Variants in PRRC2C observed in about 807,000 individuals in gnomAD.
PRRC2C encodes the protein proline rich coiled-coil 2C, also known as protein PRRC2C.
In PRRC2C, 72 loss-of-function variants were observed where a neutral mutation model predicts 317.2. The observed-to-expected ratio is 0.23, with a 90% confidence interval of 0.19 to 0.28. The LOEUF is 0.28. PRRC2C is among the 10% of genes least tolerant of loss of function. The pLI is 1.00. For missense variants in PRRC2C, 3,074 were observed against 3,459.7 expected, an observed-to-expected ratio of 0.89 and a Z score of 2.80; for synonymous variants, 1,296 against 1,205.9, an observed-to-expected ratio of 1.07 and a Z score of -1.55.
intron 1 of PRRC2C, among the ~76,000 whole-genome samples, chr1:171,499,791 G>A (rs996193208): frequency 5.3e-5 from 8 of 151,960 alleles, no homozygotes; most frequent in African/African-American, 1.9e-4. Flanking sequence ...GCGACAAAGT[G>A]GGACTCAAAA....
intron 21 of PRRC2C, 40 bp downstream of exon 21, chr1:171,566,461 C>A: frequency 6.6e-7 from 1 of 1,515,178 alleles, no homozygotes; most frequent in Non-Finnish European, 8.9e-7. Context: ...TTTATGAAGG[C>A]CACTGACATG....
At chr1:171,554,237 T>A (rs1680895897) in intron 18 of PRRC2C, among the ~76,000 whole-genome samples, 1 of 152,208 alleles carries the variant, frequency 6.6e-6, no homozygotes, top group Admixed American at 6.5e-5. Flanking sequence ...CTTCTTTGTC[T>A]CTTTTGATCT....
chr1:171,586,063 A>ATTTTT lies in PRRC2C; in HGVS notation c.7750-923_7750-919dup, dbSNP rs920423722. 1.9e-3 allele frequency among the ~76,000 whole-genome samples: 159 copies of ATTTTT among 83,020 alleles called. 32 individuals carry two copies. The highest frequency in any genetic ancestry group is 6.9e-3 in the African/African-American group (146 of 21,194). The allele number at this position is 83,020 out of a possible 152,430, so 54.5% of individuals were successfully genotyped here. ...ATCCGTCGCAGGAGGTCAGGTGTTGATTTTTTTTTTTTTTTTTTTTTGAGA... is the reference window on the plus strand; with the variant it reads ...ATCCGTCGCAGGAGGTCAGGTGTTGATTTTTTTTTTTTTTTTTTTTTTTTTTGAGA... On this transcript the variant is annotated intron_variant, in intron 30 of 34. Transcript: ENST00000647382.
intron 1 of PRRC2C, among the ~76,000 whole-genome samples, chr1:171,504,326 GGT>G (rs1669776838): frequency 1.3e-5 from 2 of 151,924 alleles, no homozygotes; most frequent in African/African-American, 4.8e-5. Flanking sequence ...TTGTGCTTTT[GGT>G]GTTATATCTA....
chr1:171,543,987 A>C (rs1269237792), intron 16 of PRRC2C, among the ~76,000 whole-genome samples: 1 of 152,210 alleles, frequency 6.6e-6, no homozygotes, highest in African/African-American at 2.4e-5. Context: ...CCCATTCATT[A>C]ACCTGTTAAG....
At chr1:171,553,197 T>G (rs1680646856) in intron 18 of PRRC2C, among the ~76,000 whole-genome samples, 1 of 152,224 alleles carries the variant, frequency 6.6e-6, no homozygotes, top group Non-Finnish European at 1.5e-5. Context: ...TGGGAGGGTG[T>G]GTGTGTCGAG....
intron 12 of PRRC2C, among the ~76,000 whole-genome samples, chr1:171,534,183 G>A (rs956809256): frequency 2.0e-5 from 3 of 151,872 alleles, no homozygotes; most frequent in African/African-American, 4.8e-5. Context: ...AATGAAATAA[G>A]GCCTGTATGG....
chr1:171,585,366 A>C (rs759368718), intron 30 of PRRC2C, among the ~76,000 whole-genome samples: 5 of 152,210 alleles, frequency 3.3e-5, no homozygotes, highest in Admixed American at 1.3e-4. Flanking sequence ...AATAATTTTC[A>C]GTGAAAAGTA....
intron 6 of PRRC2C, among the ~76,000 whole-genome samples, chr1:171,518,494 A>ATTT (rs149358002): frequency 2.8e-5 from 2 of 72,580 alleles, no homozygotes; most frequent in Admixed American, 1.7e-4. Flanking sequence ...TTTTTTTTCA[A>ATTT]TTTTTTTTTT....
intron 1 of PRRC2C, among the ~76,000 whole-genome samples, chr1:171,506,687 TTGTGTGTGTGTGTG>T (rs34060083): frequency 2.2e-5 from 3 of 136,658 alleles, no homozygotes; most frequent in Admixed American, 7.3e-5. Context: ...TTTTTTTTCT[TTGTGTGTGTGTGTG>T]TGTGTGTGTG....
Position 171,535,699 on chromosome 1 carries a change from A to G in PRRC2C, c.2043+102A>G, listed in dbSNP as rs1676694572. On this transcript the variant is annotated intron_variant, in intron 13 of 34. Transcript: ENST00000647382. The stretch of plus-strand genomic sequence containing the variant: ...AAACTGATAATACGTAAAGCACACA[A>G]AGTTCCCTTGAAATTATTTTTCCTT... 3 of 1,317,180 alleles carry G rather than the reference A, an allele frequency of 2.3e-6. No homozygotes were observed. The Admixed American group carries it at 6.7e-5, about 29-fold the overall frequency. 81.6% of individuals were successfully genotyped at this position (1,317,180 alleles called of 1,614,324 possible).
At chr1:171,571,953 A>G (rs1377157649) in intron 24 of PRRC2C, among the ~76,000 whole-genome samples, 1 of 152,140 alleles carries the variant, frequency 6.6e-6, no homozygotes, top group Non-Finnish European at 1.5e-5. Context: ...TAATTATTTA[A>G]TAAGAGGACA....
intron 19 of PRRC2C, among the ~76,000 whole-genome samples, chr1:171,560,722 TG>T (rs1190013598): frequency 1.3e-5 from 2 of 152,214 alleles, no homozygotes; most frequent in East Asian, 3.8e-4. Context: ...CCTATTAGAC[TG>T]TAGTATAATG....
chr1:171,522,327 G>T, intron 7 of PRRC2C, 68 bp downstream of exon 7: 1 of 1,105,006 alleles, frequency 9.0e-7, no homozygotes, highest in East Asian at 2.4e-5. Flanking sequence ...AAGGTTGAGT[G>T]GATTGTGTGA....
At chr1:171,508,250 C>T (rs1344163841) in intron 1 of PRRC2C, among the ~76,000 whole-genome samples, 1 of 152,042 alleles carries the variant, frequency 6.6e-6, no homozygotes, top group Non-Finnish European at 1.5e-5. Context: ...TCAGGTTTTT[C>T]CCATTGATTT....
At chr1:171,499,298 T>A (rs1018738841) in intron 1 of PRRC2C, among the ~76,000 whole-genome samples, 11 of 152,236 alleles carry the variant, frequency 7.2e-5, no homozygotes, top group Non-Finnish European at 1.3e-4. Flanking sequence ...GGTAAATATT[T>A]GTACGAGTGA....
intron 12 of PRRC2C, among the ~76,000 whole-genome samples, chr1:171,533,651 GTC>G (rs1288792002): frequency 2.0e-5 from 3 of 152,062 alleles, no homozygotes; most frequent in African/African-American, 7.2e-5. Context: ...TTGAGACAGA[GTC>G]TCTCTCTGTC....
At chr1:171,491,330 C>T (rs1459083191) in intron 1 of PRRC2C, among the ~76,000 whole-genome samples, 3 of 152,106 alleles carry the variant, frequency 2.0e-5, no homozygotes, top group African/African-American at 7.2e-5. Context: ...TTGTATACTG[C>T]CCAAAGATGC....
At chr1:171,523,099 A>T (rs1673915569) in intron 7 of PRRC2C, 122 bp from the exon 8 acceptor site, 1 of 858,476 alleles carries the variant, frequency 1.2e-6, no homozygotes, top group Non-Finnish European at 1.7e-6. Context: ...CATGCAGAAC[A>T]TATTAGGTAT....
Sources: gnomAD v4.1 joint callset for allele counts (sites outside exome capture counted in the v4.1 genomes callset) on GRCh38, gnomAD v4.1.1 for gene constraint, MANE v1.5 for transcripts, NCBI Gene and HGNC (gene_info 2026-07-23, HGNC 2026-07-21) for gene names.